BNC2: variants seen among roughly 807,000 people sequenced by gnomAD.
The protein encoded by BNC2 is zinc finger protein basonuclin-2.
BNC2 carries 20 observed loss-of-function variants against 76.3 expected under a neutral mutation model. The observed-to-expected ratio is 0.26, with a 90% CI of 0.18 to 0.38. The LOEUF is 0.38. BNC2 is among the 10% of genes least tolerant of loss of function. The pLI, the probability that BNC2 is intolerant of heterozygous loss-of-function variation, is 1.00. For synonymous variants in BNC2, 582 were observed against 514.8 expected (o/e 1.13, Z -1.77); for missense variants, 1,382 against 1,399.8 (o/e 0.99, Z 0.20).
chr9:16,482,732 T>G (rs1034719398), intron 5 of BNC2, among the ~76,000 whole-genome samples: 1 of 152,206 alleles, frequency 6.6e-6, no homozygotes, highest in African/African-American at 2.4e-5. Flanking sequence ...TGTTTCTAAT[T>G]TAAATGAATA....
intron 5 of BNC2, among the ~76,000 whole-genome samples, chr9:16,463,293 TC>T (rs988710227): frequency 5.4e-5 from 6 of 111,318 alleles, no homozygotes; most frequent in Admixed American, 2.9e-4. Context: ...AGTATTAAAT[TC>T]TTTTTTTTTT....
chr9:16,845,444 G>C (rs112490849), intron 1 of BNC2, among the ~76,000 whole-genome samples: 4 of 152,142 alleles, frequency 2.6e-5, no homozygotes, highest in Non-Finnish European at 1.5e-5. Context: ...AAAATTGGCC[G>C]GGCGCGGTGG....
chr9:16,633,500 T>C (rs2133767657), intron 3 of BNC2, among the ~76,000 whole-genome samples: 1 of 152,366 alleles, frequency 6.6e-6, no homozygotes, highest in South Asian at 2.1e-4. Flanking sequence ...AAAATTCTGC[T>C]TCCAGCAACT....
chr9:16,672,634 C>T (rs1822514384), intron 3 of BNC2, among the ~76,000 whole-genome samples: 1 of 152,168 alleles, frequency 6.6e-6, no homozygotes, highest in South Asian at 2.1e-4. Flanking sequence ...CCTAAAAGAA[C>T]ATTGTTCTAA....
chr9:16,839,110 G>A (rs1818770427), intron 1 of BNC2, among the ~76,000 whole-genome samples: 1 of 152,158 alleles, frequency 6.6e-6, no homozygotes, highest in African/African-American at 2.4e-5. Flanking sequence ...CAACATAGTG[G>A]ATTAAACTGT....
chr9:16,435,092 T>G (rs760127395), intron 6 of BNC2: 1 of 471,436 alleles, frequency 2.1e-6, no homozygotes, highest in South Asian at 1.5e-5. Flanking sequence ...ATCCGTAAAT[T>G]TCTGTTTCTA....
chr9:16,436,250 A>G lies in BNC2; in HGVS notation c.1944T>C (p.Asp648=), dbSNP rs1167209923. The change falls in exon 6 of 7, where the codon GAT becomes GAC. Residue 648 remains aspartate, a synonymous_variant. Coordinates refer to ENST00000380672, the MANE Select transcript of BNC2 (RefSeq NM_017637.6). ...CTTCATCATCAAACTCATCGGCGGT[A>G]TCAATAATTTCCTTCTCAATCTTCA... ...MPVKIEKEII[D]TADEFDDEDD... 4.3e-6 allele frequency: 7 copies of G among 1,613,998 alleles called. No homozygotes were observed. Among genetic ancestry groups the G allele is most frequent in the Admixed American group, 3.3e-5 (2 of 59,994 alleles).
rs1014633822 is a variant in BNC2 at position 16,695,940 on chromosome 9, A to G, written c.330+31857T>C. 3.3e-5 allele frequency among the ~76,000 whole-genome samples: 5 copies of G among 152,258 alleles called. No individual in the cohort carries two copies. The South Asian group carries it at 6.2e-4, about 19-fold the overall frequency. ...TTCTATATTTTTCAATGTTATTACC[A>G]TAAGCCCATTAACAAAGACTCAGAA... On this transcript the variant is annotated intron_variant, in intron 3 of 6. Coordinates refer to ENST00000380672, the MANE Select transcript of BNC2 (RefSeq NM_017637.6).
intron 5 of BNC2, among the ~76,000 whole-genome samples, chr9:16,480,581 C>T (rs1163451046): frequency 6.6e-6 from 1 of 152,192 alleles, no homozygotes; most frequent in Non-Finnish European, 1.5e-5. Context: ...TGGGCGTGGG[C>T]TTGGCGGGCC....
intron 1 of BNC2, among the ~76,000 whole-genome samples, chr9:16,748,903 CT>C (rs200882310): frequency 8.1e-5 from 9 of 111,426 alleles, no homozygotes; most frequent in Middle Eastern, 3.9e-3. Context: ...AGCTTCTGTA[CT>C]TTTTTTCACT....
chr9:16,616,279 C>A (rs1207149833), intron 3 of BNC2, among the ~76,000 whole-genome samples: 1 of 152,074 alleles, frequency 6.6e-6, no homozygotes, highest in Non-Finnish European at 1.5e-5. Context: ...ATAGTCCCAG[C>A]TCCTTGGGAG....
chr9:16,740,862 C>G (rs1392690212), intron 1 of BNC2, among the ~76,000 whole-genome samples: 1 of 150,112 alleles, frequency 6.7e-6, no homozygotes, highest in Non-Finnish European at 1.5e-5. Flanking sequence ...AAAAAGAAAC[C>G]CTTTTTTTCC....
intron 5 of BNC2, among the ~76,000 whole-genome samples, chr9:16,458,562 G>A (rs1040235263): frequency 1.3e-5 from 2 of 152,168 alleles, no homozygotes; most frequent in Non-Finnish European, 2.9e-5. Flanking sequence ...AGATAATTTA[G>A]GGAGAGGAAA....
chr9:16,516,912 G>A (rs1007226884), intron 5 of BNC2, among the ~76,000 whole-genome samples: 4 of 152,158 alleles, frequency 2.6e-5, no homozygotes, highest in African/African-American at 9.7e-5. Context: ...TTGATTGTGA[G>A]CAAAATAGCA....
chr9:16,484,275 C>T (rs1360429663), intron 5 of BNC2, among the ~76,000 whole-genome samples: 5 of 152,136 alleles, frequency 3.3e-5, no homozygotes, highest in South Asian at 2.1e-4. Context: ...ATTCCACCCC[C>T]GAAATAAAGC....
At chr9:16,809,481 A>C (rs1817993671) in intron 1 of BNC2, among the ~76,000 whole-genome samples, 1 of 152,174 alleles carries the variant, frequency 6.6e-6, no homozygotes, top group Non-Finnish European at 1.5e-5. Flanking sequence ...AGACTTATGC[A>C]AATAAATATG....
chr9:16,441,089 G>A (rs1033354622), intron 5 of BNC2, among the ~76,000 whole-genome samples: 4 of 152,132 alleles, frequency 2.6e-5, no homozygotes, highest in African/African-American at 4.8e-5. Context: ...ATTTAGGAAG[G>A]CCAAGGTGGA....
At chr9:16,751,654 A>ATATATG (rs1299320964) in intron 1 of BNC2, among the ~76,000 whole-genome samples, 1,805 of 66,104 alleles carry the variant, frequency 0.027, 64 homozygotes, top group African/African-American at 0.065. Context: ...ATGTGTGTAT[A>ATATATG]TATATATGTA....
chr9:16,690,283 G>T (rs1823117982), intron 3 of BNC2, among the ~76,000 whole-genome samples: 1 of 152,106 alleles, frequency 6.6e-6, no homozygotes, highest in South Asian at 2.1e-4. Context: ...AGGAGTTCTA[G>T]ACCAGCCTGG....
Sources: allele counts gnomAD v4.1 joint callset (sites outside exome capture counted in the v4.1 genomes callset), GRCh38; gene constraint gnomAD v4.1.1; transcripts MANE v1.5; gene names NCBI Gene and HGNC (gene_info 2026-07-23, HGNC 2026-07-21).